UBASH3A: variants seen among roughly 807,000 people sequenced by gnomAD.
The protein encoded by UBASH3A is ubiquitin-associated and SH3 domain-containing protein A.
UBASH3A carries 63 observed loss-of-function variants against 73.5 expected under a neutral mutation model. That is an observed-to-expected ratio of 0.86 (90% CI 0.70 to 1.06). UBASH3A has a LOEUF of 1.06. UBASH3A is among the 50% of genes least tolerant of loss of function. UBASH3A has a pLI of 0.00. For synonymous variants in UBASH3A, 363 were observed against 351.1 expected (o/e 1.03, Z -0.38); for missense variants, 860 against 859.0 (o/e 1.00, Z -0.02).
chr21:42,411,531 A>G (rs1568910722), intron 3 of UBASH3A, among the ~76,000 whole-genome samples: 1 of 152,126 alleles, frequency 6.6e-6, no homozygotes, highest in Non-Finnish European at 1.5e-5. Flanking sequence ...ACGCAGACAC[A>G]CAGACACACA....
At chr21:42,437,452 G>A in intron 10 of UBASH3A, 36 bp from the exon 11 acceptor site, 1 of 1,585,788 alleles carries the variant, frequency 6.3e-7, no homozygotes, top group Non-Finnish European at 8.7e-7. Context: ...CTAGAATTAT[G>A]AAGGGGCATT....
In UBASH3A at chr21:42,409,479, C is replaced by A. The variant is rs1297086885; in HGVS notation, c.225C>A (p.Ala75=). 6.2e-7 allele frequency: 1 copy of A among 1,614,012 alleles called. No individual in the cohort carries two copies. The highest frequency in any genetic ancestry group is 1.7e-5 in the Admixed American group (1 of 60,002). ...SLDDPIPQEY[A]LFLCPTGPLL... ...ACGACCCCATCCCCCAGGAGTATGC[C>A]CTTTTCCTCTGTCCAACGGGGCCCC... The change falls in exon 3 of 15, where the codon GCC becomes GCA. Residue 75 remains alanine, a synonymous_variant. Transcript: ENST00000319294.
At chr21:42,419,943 A>G (rs2053303907) in intron 7 of UBASH3A, among the ~76,000 whole-genome samples, 1 of 152,216 alleles carries the variant, frequency 6.6e-6, no homozygotes, top group Admixed American at 6.5e-5. Flanking sequence ...CCAAGCTGTG[A>G]TGTTCAGTAG....
chr21:42,436,326 G>A (rs2053627599), intron 10 of UBASH3A, among the ~76,000 whole-genome samples: 1 of 152,216 alleles, frequency 6.6e-6, no homozygotes, highest in South Asian at 2.1e-4. Context: ...GCTGAGTGCA[G>A]TGGTGAGAAT....
intron 10 of UBASH3A, among the ~76,000 whole-genome samples, chr21:42,436,062 T>G (rs1174603264): frequency 6.9e-6 from 1 of 144,060 alleles, no homozygotes; most frequent in African/African-American, 2.7e-5. Flanking sequence ...GAGTCATAGA[T>G]TTATAGAGTT....
chr21:42,441,438 T>G (rs1601603801), intron 11 of UBASH3A, among the ~76,000 whole-genome samples: 2 of 70,164 alleles, frequency 2.9e-5, no homozygotes, highest in East Asian at 4.1e-4. Context: ...AGGGAGGACT[T>G]GGGGGCCCAG....
intron 8 of UBASH3A, among the ~76,000 whole-genome samples, chr21:42,430,082 C>T (rs773268036): frequency 3.3e-5 from 5 of 152,166 alleles, no homozygotes; most frequent in African/African-American, 7.2e-5. Context: ...GTGCTGACCC[C>T]GAGAATGCTT....
At position 42,406,380 on chromosome 21, in the gene UBASH3A, G is replaced by C. The variant is rs769644487; in HGVS notation, c.167+19G>C. The C allele has an allele frequency of 6.2e-7, 1 of 1,609,820 alleles. No homozygotes were observed. The highest frequency in any genetic ancestry group is 8.5e-7 in the Non-Finnish European group (1 of 1,176,082). On this transcript the variant is annotated intron_variant, in intron 2 of 14. Transcript: ENST00000319294. ...TGGCCTGGTGAGTGCAGCTGCTTCT[G>C]TAGACCCAGGGGCGTTTGGGCTGAA...
intron 11 of UBASH3A, 163 bp downstream of exon 11, chr21:42,437,743 C>A: frequency 1.5e-6 from 1 of 665,748 alleles, no homozygotes. Context: ...TGCTGGCAGG[C>A]ATGCTGGGTC....
At chr21:42,443,110 G>C in intron 12 of UBASH3A, 1 of 1,368,334 alleles carries the variant, frequency 7.3e-7, no homozygotes, top group South Asian at 1.9e-5. Flanking sequence ...TCCTGGTGTT[G>C]AGTAAGAATG....
At chr21:42,405,993 G>GT (rs1568904790) in intron 1 of UBASH3A, among the ~76,000 whole-genome samples, 3 of 150,188 alleles carry the variant, frequency 2.0e-5, no homozygotes, top group African/African-American at 7.4e-5. Context: ...TGGGGGGGGG[G>GT]GGGGCAGGCC....
At chr21:42,441,249 C>T (rs2053734790) in intron 11 of UBASH3A, among the ~76,000 whole-genome samples, 1 of 152,050 alleles carries the variant, frequency 6.6e-6, no homozygotes, top group Non-Finnish European at 1.5e-5. Context: ...AGAGAATGTC[C>T]ACATGAACCA....
Position 42,409,420 on chromosome 21 carries a change from AG to A in UBASH3A, c.168del. 1 of 1,568,042 alleles carries A rather than the reference AG, an allele frequency of 6.4e-7. No individual in the cohort carries two copies. The highest frequency in any genetic ancestry group is 8.6e-7 in the Non-Finnish European group (1 of 1,158,210). On this transcript the variant is annotated splice_acceptor_variant, in intron 2 of 14. Coordinates refer to ENST00000319294, the MANE Select transcript of UBASH3A (RefSeq NM_018961.4). LOFTEE classifies it high-confidence loss of function. Reference sequence around the variant, plus strand: ...GTGATGCCGGCTTGCTCTCTGTTGCAGGCTGCATGATCATTGCAATGACCCT... The same window carrying A: ...GTGATGCCGGCTTGCTCTCTGTTGCAGCTGCATGATCATTGCAATGACCCT...
rs761116011 is a variant in UBASH3A, at chr21:42,416,479, G to A, written c.705G>A (p.Leu235=). The A allele has an allele frequency of 1.2e-6, 2 of 1,601,408 alleles. No individual in the cohort carries two copies. The highest frequency in any genetic ancestry group is 2.2e-5 in the South Asian group (2 of 89,110). Residue 235 remains leucine, a synonymous_variant, in exon 6 of 15, where the codon CTG becomes CTA. Coordinates refer to ENST00000319294, the MANE Select transcript of UBASH3A (RefSeq NM_018961.4). The part of the protein sequence containing the change: ...SVKPCTKQLH[L]TLAHKFYPHH... Reference sequence around the variant, plus strand: ...AGCCTTGCACCAAACAGCTGCATCTGACCTTGGCCCACAAGTTCTACCCCC... The same window carrying A: ...AGCCTTGCACCAAACAGCTGCATCTAACCTTGGCCCACAAGTTCTACCCCC...
chr21:42,408,948 T>TAAAATAAAATAAAATA (rs1568907906), intron 2 of UBASH3A, among the ~76,000 whole-genome samples: 3 of 144,266 alleles, frequency 2.1e-5, no homozygotes, highest in Admixed American at 7.0e-5. Context: ...TAAAATAAAA[T>TAAAATAAAATAAAATA]AAAAACTGTC....
At chr21:42,409,372 A>T in intron 2 of UBASH3A, 50 bp from the exon 3 acceptor site, 1 of 1,498,746 alleles carries the variant, frequency 6.7e-7, no homozygotes, top group East Asian at 2.3e-5. Context: ...CAAAGGGGAA[A>T]ACTCTTTTTG....
intron 14 of UBASH3A, among the ~76,000 whole-genome samples, chr21:42,445,079 C>T (rs912648773): frequency 6.6e-6 from 1 of 152,184 alleles, no homozygotes. Flanking sequence ...ATGGAAGAAG[C>T]TTGAGCTGGT....
chr21:42,430,079 C>T (rs899222436), intron 8 of UBASH3A, among the ~76,000 whole-genome samples: 3 of 152,164 alleles, frequency 2.0e-5, no homozygotes, highest in Non-Finnish European at 4.4e-5. Flanking sequence ...GTGGTGCTGA[C>T]CCCGAGAATG....
intron 8 of UBASH3A, among the ~76,000 whole-genome samples, chr21:42,428,900 T>C (rs2053483979): frequency 6.6e-6 from 1 of 152,182 alleles, no homozygotes; most frequent in Non-Finnish European, 1.5e-5. Flanking sequence ...GGTAGAATCA[T>C]GGCCCCAGAG....
Sources: allele counts gnomAD v4.1 joint callset (sites outside exome capture counted in the v4.1 genomes callset), GRCh38; gene constraint gnomAD v4.1.1; transcripts MANE v1.5; gene names NCBI Gene and HGNC (gene_info 2026-07-23, HGNC 2026-07-21).